PDE4D: variants seen among roughly 807,000 people sequenced by gnomAD.
The protein encoded by PDE4D is 3',5'-cyclic-AMP phosphodiesterase 4D.
A neutral mutation model predicts 87.4 loss-of-function variants in PDE4D; 24 were observed. The ratio of observed to expected loss-of-function variants is 0.27; its 90% confidence interval spans 0.20 to 0.39. PDE4D has a LOEUF of 0.39. PDE4D is among the 10% of genes least tolerant of loss of function. The pLI, the probability that PDE4D is intolerant of heterozygous loss-of-function variation, is 1.00. For missense variants in PDE4D, 714 were observed against 1,041.0 expected (o/e 0.69, Z 4.32); for synonymous variants, 384 against 383.2 (o/e 1.00, Z -0.02).
intron 6 of PDE4D, among the ~76,000 whole-genome samples, chr5:59,023,653 C>T (rs967350129): frequency 6.6e-6 from 1 of 152,080 alleles, no homozygotes; most frequent in Non-Finnish European, 1.5e-5. Flanking sequence ...GAGAACTTGT[C>T]TCCAAAAACA....
intron 1 of PDE4D, among the ~76,000 whole-genome samples, chr5:60,225,886 C>G (rs1011149815): frequency 3.3e-5 from 5 of 152,070 alleles, no homozygotes; most frequent in African/African-American, 1.2e-4. Flanking sequence ...CACATAGTGA[C>G]AGAATCAGAA....
At chr5:59,958,332 A>G (rs1401860408) in intron 3 of PDE4D, among the ~76,000 whole-genome samples, 3 of 152,136 alleles carry the variant, frequency 2.0e-5, no homozygotes, top group South Asian at 2.1e-4. Context: ...TAATAATGCC[A>G]TTCTCTTTTG....
intron 1 of PDE4D, among the ~76,000 whole-genome samples, chr5:60,212,859 C>T (rs952019759): frequency 3.9e-5 from 6 of 152,224 alleles, no homozygotes; most frequent in Non-Finnish European, 7.3e-5. Flanking sequence ...AACTGCTGCA[C>T]TACAGCATTT....
intron 5 of PDE4D, among the ~76,000 whole-genome samples, chr5:59,044,574 T>C (rs1040805107): frequency 6.6e-6 from 1 of 152,196 alleles, no homozygotes; most frequent in Admixed American, 6.5e-5. Context: ...AGGTCTAACT[T>C]TTGCTGACTT....
At chr5:59,046,440 GTGTA>G (rs1163105320) in intron 5 of PDE4D, among the ~76,000 whole-genome samples, 163 of 151,470 alleles carry the variant, frequency 1.1e-3, no homozygotes, top group African/African-American at 3.9e-3. Context: ...GTGTGTGTGT[GTGTA>G]TGTGTGTGTA....
At chr5:59,581,634 A>G (rs1824171387) in intron 1 of PDE4D, among the ~76,000 whole-genome samples, 1 of 152,190 alleles carries the variant, frequency 6.6e-6, no homozygotes, top group Non-Finnish European at 1.5e-5. Flanking sequence ...ACTAAAGACT[A>G]TTTTTCATTT....
At chr5:59,864,345 T>C (rs1746711735) in intron 1 of PDE4D, among the ~76,000 whole-genome samples, 1 of 152,212 alleles carries the variant, frequency 6.6e-6, no homozygotes. Context: ...GTAAATGTGT[T>C]GGCTATTATT....
At chr5:60,511,517 T>A (rs906195890) in intron 1 of PDE4D, among the ~76,000 whole-genome samples, 2 of 147,744 alleles carry the variant, frequency 1.4e-5, no homozygotes, top group African/African-American at 5.0e-5. Context: ...CTATAGAAAT[T>A]TAATAATAAT....
chr5:60,155,833 CT>C (rs1781925492), intron 2 of PDE4D, among the ~76,000 whole-genome samples: 1 of 152,056 alleles, frequency 6.6e-6, no homozygotes, highest in Non-Finnish European at 1.5e-5. Flanking sequence ...GTTCTTGAAC[CT>C]ATTACAATAG....
At position 59,409,192 on chromosome 5, in the gene PDE4D, C is replaced by T. The variant is rs1055131954; in HGVS notation, c.456-193224G>A. The stretch of plus-strand genomic sequence containing the variant: ...GGGAATGTTTACCCAATGCCTGTAC[C>T]TCTATTGTACCTTGGCTTGGAAGTA... On this transcript the variant is annotated intron_variant, in intron 1 of 14. Coordinates refer to ENST00000340635, the MANE Select transcript of PDE4D (RefSeq NM_001104631.2). 2.0e-5 allele frequency among the ~76,000 whole-genome samples: 3 copies of T among 151,954 alleles called. No individual in the cohort carries two copies. In the East Asian group the frequency reaches 5.8e-4, roughly 29 times the overall value.
Position 59,542,193 on chromosome 5 carries a change from T to A in PDE4D, c.456-326225A>T, listed in dbSNP as rs564823979. Among the ~76,000 whole-genome samples, 102 of 152,270 alleles carry A rather than the reference T, an allele frequency of 6.7e-4. No homozygotes were observed. The Middle Eastern group carries it at 0.01, about 15-fold the overall frequency. On this transcript the variant is annotated intron_variant, in intron 1 of 14. Transcript: ENST00000340635. ...TATTTTTTTCTCTGCCAAGTTCTGA[T>A]TTCTTTTCCAGTCCCTGTTGCTAAA...
intron 1 of PDE4D, among the ~76,000 whole-genome samples, chr5:60,256,179 C>T (rs900932349): frequency 5.3e-5 from 8 of 151,876 alleles, no homozygotes; most frequent in Admixed American, 5.3e-4. Flanking sequence ...GTTGTCCTCT[C>T]TATTCCAAAC....
At chr5:60,247,621 T>A (rs999756251) in intron 1 of PDE4D, among the ~76,000 whole-genome samples, 9 of 152,110 alleles carry the variant, frequency 5.9e-5, no homozygotes, top group African/African-American at 2.2e-4. Context: ...TACACTGAAC[T>A]TTACATGGAT....
At chr5:59,418,798 G>A (rs1582503236) in intron 1 of PDE4D, among the ~76,000 whole-genome samples, 1 of 152,112 alleles carries the variant, frequency 6.6e-6, no homozygotes, top group Non-Finnish European at 1.5e-5. Flanking sequence ...ACAGGTGCAT[G>A]CCACCACACT....
intron 1 of PDE4D, among the ~76,000 whole-genome samples, chr5:59,892,963 T>C (rs1181005504): frequency 1.3e-5 from 2 of 150,664 alleles, no homozygotes; most frequent in Non-Finnish European, 1.5e-5. Context: ...ATTTATGCAG[T>C]ACTTTTGGGG....
chr5:59,574,006 ATATATATATATATATATATAT>A lies in PDE4D; in HGVS notation c.455+319141_455+319161del, dbSNP rs1561239036. Among the ~76,000 whole-genome samples, 75 of 95,938 alleles carry A rather than the reference ATATATATATATATATATATAT, an allele frequency of 7.8e-4. 1 individual carries two copies. Among genetic ancestry groups the A allele is most frequent in the African/African-American group, 2.2e-3 (49 of 22,656 alleles). 62.9% of individuals were successfully genotyped at this position (95,938 alleles called of 152,430 possible). A position where few individuals can be genotyped will look rare whatever the true frequency, so the allele number is the denominator to read the frequency against. ...AAGGGAGACTCTGTCTCAAAAAAAA[ATATATATATATATATATATAT>A]AAAAATATATATTTATATATATTTA... is the stretch of plus-strand genomic sequence containing the variant. On this transcript the variant is annotated intron_variant, in intron 1 of 14. Coordinates refer to ENST00000340635, the MANE Select transcript of PDE4D (RefSeq NM_001104631.2).
chr5:59,642,954 A>AT (rs916034126), intron 1 of PDE4D, among the ~76,000 whole-genome samples: 47 of 151,676 alleles, frequency 3.1e-4, no homozygotes, highest in African/African-American at 9.9e-4. Context: ...CAATCTCTAC[A>AT]TTTTTTTTTC....
intron 4 of PDE4D, among the ~76,000 whole-genome samples, chr5:59,182,352 AG>A (rs1741855914): frequency 6.6e-6 from 1 of 151,258 alleles, no homozygotes; most frequent in South Asian, 2.1e-4. Context: ...AGAACTCCTG[AG>A]CTCTAGTGAT....
chr5:60,114,005 C>T (rs1381506521), intron 2 of PDE4D, among the ~76,000 whole-genome samples: 1 of 152,024 alleles, frequency 6.6e-6, no homozygotes, highest in Non-Finnish European at 1.5e-5. Flanking sequence ...AGTGGCAGTA[C>T]CTAATAACAG....
Sources: allele counts gnomAD v4.1 joint callset (sites outside exome capture counted in the v4.1 genomes callset), GRCh38; gene constraint gnomAD v4.1.1; transcripts MANE v1.5; gene names NCBI Gene and HGNC (gene_info 2026-07-23, HGNC 2026-07-21).